The following DENND5B variants were observed in gnomAD, a reference collection of about 807,000 sequenced individuals.
The protein encoded by DENND5B is DENN domain-containing protein 5B.
In DENND5B, 34 loss-of-function variants were observed where a neutral mutation model predicts 140.6. That is an observed-to-expected ratio of 0.24 (90% CI 0.18 to 0.32). The LOEUF (loss-of-function observed/expected upper bound fraction) is 0.32, where lower values mean the gene tolerates loss of function less well. Among genes scored for constraint, DENND5B ranks in the 10% least tolerant of loss-of-function variants. The pLI, the probability that DENND5B is intolerant of heterozygous loss-of-function variation, is 1.00. For missense variants in DENND5B, 1,142 were observed against 1,560.2 expected (o/e 0.73, Z 4.52); for synonymous variants, 551 against 562.1 (o/e 0.98, Z 0.28).
chr12:31,467,502 T>C (rs927980101), intron 3 of DENND5B, among the ~76,000 whole-genome samples: 5 of 151,330 alleles, frequency 3.3e-5, no homozygotes, highest in Non-Finnish European at 4.4e-5. Flanking sequence ...TAGCCCAGCA[T>C]GGTGGCGTGT....
At chr12:31,537,965 C>T (rs929591543) in intron 1 of DENND5B, among the ~76,000 whole-genome samples, 3 of 152,176 alleles carry the variant, frequency 2.0e-5, no homozygotes, top group Admixed American at 1.3e-4. Context: ...GGACCCAACA[C>T]TGGATCCATA....
At chr12:31,506,158 C>T (rs1191402953) in intron 1 of DENND5B, 1 of 152,180 alleles carries the variant, frequency 6.6e-6, no homozygotes, top group Non-Finnish European at 1.5e-5. Flanking sequence ...AGTAAGAGTA[C>T]ATCAACATCA....
chr12:31,449,430 TA>T (rs1361028209), intron 5 of DENND5B, among the ~76,000 whole-genome samples: 1 of 152,210 alleles, frequency 6.6e-6, no homozygotes, highest in Admixed American at 6.5e-5. Context: ...AGCCTTTTTT[TA>T]AAAAAAGTGG....
At chr12:31,389,271 A>T (rs1305485550) in intron 20 of DENND5B, 53 bp downstream of exon 20, 2 of 1,532,838 alleles carry the variant, frequency 1.3e-6, no homozygotes, top group Non-Finnish European at 1.8e-6. Flanking sequence ...CCTTTTCTGG[A>T]CTCTAGTTCA....
intron 1 of DENND5B, among the ~76,000 whole-genome samples, chr12:31,507,011 T>G (rs1406679978): frequency 6.6e-6 from 1 of 152,118 alleles, no homozygotes; most frequent in African/African-American, 2.4e-5. Context: ...AGAGGCCAGG[T>G]TGGTTCAGAG....
chr12:31,502,083 G>C (rs1437130315), intron 1 of DENND5B, among the ~76,000 whole-genome samples: 1 of 152,118 alleles, frequency 6.6e-6, no homozygotes, highest in Non-Finnish European at 1.5e-5. Context: ...TTGGGAGGCG[G>C]AGGTGGGCGG....
chr12:31,509,690 G>C (rs1021135758), intron 1 of DENND5B, among the ~76,000 whole-genome samples: 1 of 152,176 alleles, frequency 6.6e-6, no homozygotes, highest in Non-Finnish European at 1.5e-5. Flanking sequence ...TACATTCTAA[G>C]AGGAGGGAGA....
At chr12:31,393,850 G>A (rs1392116919) in intron 17 of DENND5B, among the ~76,000 whole-genome samples, 4 of 152,056 alleles carry the variant, frequency 2.6e-5, no homozygotes, top group African/African-American at 9.7e-5. Context: ...ACCATGCATG[G>A]CTAATTTTTT....
intron 1 of DENND5B, among the ~76,000 whole-genome samples, chr12:31,514,659 T>C (rs1465845310): frequency 6.6e-6 from 1 of 151,588 alleles, no homozygotes; most frequent in South Asian, 2.1e-4. Flanking sequence ...CTACTAAAAA[T>C]ACAAAAAATT....
chr12:31,410,894 C>T (rs911361238), intron 13 of DENND5B, among the ~76,000 whole-genome samples: 8 of 152,072 alleles, frequency 5.3e-5, no homozygotes, highest in Non-Finnish European at 8.8e-5. Context: ...GATATTGAAT[C>T]GCACATATAG....
chr12:31,489,378 C>T (rs1946433538), intron 2 of DENND5B, among the ~76,000 whole-genome samples: 1 of 148,948 alleles, frequency 6.7e-6, no homozygotes, highest in African/African-American at 2.5e-5. Context: ...TAAAAATAAT[C>T]CTTTCCTTTA....
In DENND5B at chr12:31,451,973, C is replaced by T. The variant is rs1274768714; in HGVS notation, c.1596G>A (p.Leu532=). ...AGTTCTGCATCTGTTCCCGGTTGGTCAGCCAGGATTCCATGTCCTGGGCAG... is the reference window on the plus strand; with the variant it reads ...AGTTCTGCATCTGTTCCCGGTTGGTTAGCCAGGATTCCATGTCCTGGGCAG... ...IQTAQDMESW[L]TNREQMQNFD... Residue 532 remains leucine (L), a synonymous_variant, in exon 5 of 21, where the codon CTG becomes CTA. Transcript: ENST00000389082. The T allele has an allele frequency of 6.2e-7, 1 of 1,613,462 alleles. No homozygotes were observed. The highest frequency in any genetic ancestry group is 8.5e-7 in the Non-Finnish European group (1 of 1,179,796).
At chr12:31,574,817 C>T in intron 1 of DENND5B, among the ~76,000 whole-genome samples, 1 of 152,178 alleles carries the variant, frequency 6.6e-6, no homozygotes. Flanking sequence ...ATTTTACATT[C>T]TAGTACACAC....
intron 11 of DENND5B, among the ~76,000 whole-genome samples, chr12:31,417,682 C>T (rs867339359): frequency 3.3e-5 from 5 of 152,044 alleles, no homozygotes; most frequent in South Asian, 2.1e-4. Context: ...CATATAGCAA[C>T]GGCTAAGCAA....
At chr12:31,527,832 T>C (rs1027093398) in intron 1 of DENND5B, among the ~76,000 whole-genome samples, 2 of 152,096 alleles carry the variant, frequency 1.3e-5, no homozygotes, top group Non-Finnish European at 2.9e-5. Flanking sequence ...TTATGCAACA[T>C]CACCTATATG....
chr12:31,534,822 GC>G (rs777853010), intron 1 of DENND5B: 16 of 455,912 alleles, frequency 3.5e-5, no homozygotes, highest in African/African-American at 8.4e-5. Flanking sequence ...TTGTTTTTCA[GC>G]CCTGGTTTGA....
At chr12:31,431,946 T>C in intron 8 of DENND5B, 1 of 548,678 alleles carries the variant, frequency 1.8e-6, no homozygotes, top group Non-Finnish European at 2.3e-6. Context: ...TGAGGCATTC[T>C]AGAGCTATGT....
At chr12:31,586,363 C>G (rs1181162718) in intron 1 of DENND5B, among the ~76,000 whole-genome samples, 1 of 152,112 alleles carries the variant, frequency 6.6e-6, no homozygotes, top group Non-Finnish European at 1.5e-5. Flanking sequence ...GGGCAAAGTA[C>G]CTCTTGAAAA....
intron 1 of DENND5B, among the ~76,000 whole-genome samples, chr12:31,575,615 C>T (rs1013911291): frequency 2.0e-5 from 3 of 152,102 alleles, no homozygotes; most frequent in African/African-American, 7.2e-5. Flanking sequence ...TGAACAGATA[C>T]TGGAAATAAA....
Sources: gnomAD v4.1 joint callset for allele counts (sites outside exome capture counted in the v4.1 genomes callset) on GRCh38, gnomAD v4.1.1 for gene constraint, MANE v1.5 for transcripts, NCBI Gene and HGNC (gene_info 2026-07-23, HGNC 2026-07-21) for gene names.